The following PPM1D variants were observed in gnomAD, a reference collection of about 807,000 sequenced individuals.
PPM1D encodes the protein protein phosphatase 1D.
Under a neutral mutation model 58.3 loss-of-function variants are expected in PPM1D, and 52 were observed. The ratio of observed to expected loss-of-function variants is 0.89; its 90% CI spans 0.71 to 1.12. The LOEUF (loss-of-function observed/expected upper bound fraction) is 1.12, where lower values mean the gene tolerates loss of function less well. PPM1D is among the 50% of genes most tolerant of loss of function. PPM1D has a pLI of 0.00. For synonymous variants in PPM1D, 278 were observed against 285.1 expected (o/e 0.98, Z 0.25); for missense variants, 564 against 777.2 (o/e 0.73, Z 3.26).
At chr17:60,638,081 T>C (rs887765783) in intron 3 of PPM1D, among the ~76,000 whole-genome samples, 1 of 152,178 alleles carries the variant, frequency 6.6e-6, no homozygotes, top group Non-Finnish European at 1.5e-5. Flanking sequence ...ACTGTCTTCT[T>C]GAGTGGGAGG....
At chr17:60,662,444 G>A (rs778628198) in intron 5 of PPM1D, 1 of 152,950 alleles carries the variant, frequency 6.5e-6, no homozygotes, top group East Asian at 1.9e-4. Flanking sequence ...GCACTTAATG[G>A]CATCTTAAAG....
At position 60,600,333 on chromosome 17, in the gene PPM1D, T is replaced by G; in HGVS notation, c.-82T>G. 6.6e-7 allele frequency: 1 copy of G among 1,505,350 alleles called. No individual in the cohort carries two copies. The highest frequency in any genetic ancestry group is 2.3e-5 in the Admixed American group (1 of 43,720). 93.2% of individuals were successfully genotyped at this position (1,505,350 alleles called of 1,614,324 possible). On this transcript the variant is annotated 5_prime_UTR_variant, in exon 1 of 6. Transcript: ENST00000305921. ...CGGCGTCGTCGAAGATAAACAATAGTTGGCCGGCGAGCGCCTAGTGTGTCT... is the reference window on the plus strand; with the variant it reads ...CGGCGTCGTCGAAGATAAACAATAGGTGGCCGGCGAGCGCCTAGTGTGTCT...
At chr17:60,648,937 G>A (rs2031296297) in intron 4 of PPM1D, among the ~76,000 whole-genome samples, 1 of 151,394 alleles carries the variant, frequency 6.6e-6, no homozygotes, top group Admixed American at 6.6e-5. Flanking sequence ...CTAATTTTTT[G>A]TATTTTTAGT....
intron 4 of PPM1D, among the ~76,000 whole-genome samples, chr17:60,649,819 AAACT>A (rs2031311729): frequency 6.6e-6 from 1 of 152,236 alleles, no homozygotes; most frequent in Non-Finnish European, 1.5e-5. Context: ...AATATATAAA[AAACT>A]AACAATCCCA....
At chr17:60,602,274 C>T (rs1003773262) in intron 1 of PPM1D, among the ~76,000 whole-genome samples, 1 of 152,044 alleles carries the variant, frequency 6.6e-6, no homozygotes, top group Non-Finnish European at 1.5e-5. Context: ...AACGAGAAGT[C>T]GACAGCAGCA....
rs763103038 is a variant in PPM1D at position 60,600,807 on chromosome 17, C to T, written c.393C>T (p.Thr131=). ...TCATCAAGAAGCAGAAGGGTTTCACCTCGTCCGAGCCGGCTAAGGTTTGCG... is the reference window on the plus strand; with the variant it reads ...TCATCAAGAAGCAGAAGGGTTTCACTTCGTCCGAGCCGGCTAAGGTTTGCG... ...WGFIKKQKGF[T]SSEPAKVCAA... Residue 131 remains threonine (T), a synonymous_variant, in exon 1 of 6, where the codon ACC becomes ACT. Coordinates refer to ENST00000305921, the MANE Select transcript of PPM1D (RefSeq NM_003620.4). 4 of 1,613,082 alleles carry T rather than the reference C, an allele frequency of 2.5e-6. No individual in the cohort carries two copies. Among genetic ancestry groups the T allele is most frequent in the Admixed American group, 3.3e-5 (2 of 60,032 alleles).
intron 1 of PPM1D, among the ~76,000 whole-genome samples, chr17:60,622,715 T>A (rs527337192): frequency 3.3e-5 from 5 of 152,380 alleles, no homozygotes; most frequent in Admixed American, 2.6e-4. Flanking sequence ...ATAATACATG[T>A]AAAGCTCTTA....
intron 1 of PPM1D, among the ~76,000 whole-genome samples, chr17:60,620,718 C>T (rs945039264): frequency 9.2e-5 from 14 of 152,042 alleles, no homozygotes; most frequent in African/African-American, 3.4e-4. Context: ...CCATGTTGGT[C>T]AGGCTGGTCT....
At chr17:60,660,277 A>C (rs1012776856) in intron 5 of PPM1D, among the ~76,000 whole-genome samples, 2 of 152,144 alleles carry the variant, frequency 1.3e-5, no homozygotes, top group African/African-American at 4.8e-5. Flanking sequence ...CGGAGGTTGC[A>C]TTGAGCCAAG....
chr17:60,637,056 C>T (rs1332449279), intron 3 of PPM1D, among the ~76,000 whole-genome samples: 2 of 150,738 alleles, frequency 1.3e-5, no homozygotes, highest in East Asian at 1.9e-4. Flanking sequence ...GCAACCTTCA[C>T]CTCCTGGGTT....
chr17:60,659,665 T>C (rs2031495143), intron 5 of PPM1D, among the ~76,000 whole-genome samples: 1 of 152,260 alleles, frequency 6.6e-6, no homozygotes, highest in Non-Finnish European at 1.5e-5. Flanking sequence ...AAAGTTGATC[T>C]CTGAAGCAGT....
chr17:60,623,788 A>G (rs1483792228), intron 2 of PPM1D, 39 bp downstream of exon 2: 6 of 1,586,316 alleles, frequency 3.8e-6, no homozygotes, highest in African/African-American at 1.3e-5. Context: ...TTTTGGTTCT[A>G]TTTAGTCCTT....
chr17:60,645,532 A>ATGTGTATATATATGTATATATATG (rs1567974645), intron 3 of PPM1D, among the ~76,000 whole-genome samples: 10 of 119,390 alleles, frequency 8.4e-5, no homozygotes, highest in East Asian at 2.7e-4. Flanking sequence ...GTATATATAT[A>ATGTGTATATATATGTATATATATG]TGTGTATATA....
intron 5 of PPM1D, chr17:60,662,571 T>C (rs963938814): frequency 6.3e-6 from 1 of 158,722 alleles, no homozygotes. Flanking sequence ...TGCGATACTT[T>C]TGATCTTCTC....
At chr17:60,619,606 A>AT (rs1482668599) in intron 1 of PPM1D, among the ~76,000 whole-genome samples, 4 of 151,356 alleles carry the variant, frequency 2.6e-5, no homozygotes, top group Non-Finnish European at 5.9e-5. Context: ...CTCTCTCTTT[A>AT]TTTTTTTAAT....
At chr17:60,655,720 T>TA (rs2031426600) in intron 4 of PPM1D, among the ~76,000 whole-genome samples, 2 of 145,736 alleles carry the variant, frequency 1.4e-5, no homozygotes, top group Admixed American at 1.3e-4. Flanking sequence ...TTTTTTTTTT[T>TA]AAATGGAGTC....
rs2031445237 is a variant in PPM1D, at chr17:60,656,684, C to G, written c.1103C>G (p.Thr368Ser). The G allele has an allele frequency of 6.2e-7, 1 of 1,614,184 alleles. No individual in the cohort carries two copies. The highest frequency in any genetic ancestry group is 1.1e-5 in the South Asian group (1 of 91,088). Residue 368 changes from threonine to serine, a missense_variant, in exon 5 of 6, where the codon ACT becomes AGT. Around this residue, in one of 7 missense-constraint regions of PPM1D, gnomAD observed 18 missense variants for 43.9 expected, o/e 0.41. Coordinates refer to ENST00000305921, the MANE Select transcript of PPM1D (RefSeq NM_003620.4). ...WRQRMLRADN[T>S]SAIVICISPE... ...CAGCGTATGCTCCGAGCAGATAACA[C>G]TAGTGCCATAGTAATCTGCATCTCT...
chr17:60,644,499 T>C (rs1320187314), intron 3 of PPM1D, among the ~76,000 whole-genome samples: 1 of 152,146 alleles, frequency 6.6e-6, no homozygotes, highest in Non-Finnish European at 1.5e-5. Flanking sequence ...CTGGGAAGAT[T>C]TGAACATAAA....
At chr17:60,601,027 G>T in intron 1 of PPM1D, 141 bp downstream of exon 1, 1 of 1,279,260 alleles carries the variant, frequency 7.8e-7, no homozygotes, top group Non-Finnish European at 1.1e-6. Flanking sequence ...CTGTAATAGC[G>T]CTTTGCTGGG....
Sources: gnomAD v4.1 joint callset for allele counts (sites outside exome capture counted in the v4.1 genomes callset) on GRCh38, gnomAD v4.1.1 for gene constraint, gnomAD v4.1.1 regional missense constraint, MANE v1.5 for transcripts, NCBI Gene and HGNC (gene_info 2026-07-23, HGNC 2026-07-21) for gene names.